The following ZNF292 variants were observed in gnomAD, a reference collection of about 807,000 sequenced individuals.
ZNF292 encodes the protein 16 zinc-finger domain protein.
ZNF292 carries 26 observed loss-of-function variants against 217.9 expected under a neutral mutation model. The ratio of observed to expected loss-of-function variants is 0.12; its 90% CI spans 0.09 to 0.17. The LOEUF (loss-of-function observed/expected upper bound fraction) is 0.17. Among genes scored for constraint, ZNF292 ranks in the 10% least tolerant of loss-of-function variants. The pLI is 1.00. For missense variants in ZNF292, 2,904 were observed against 3,175.2 expected (o/e 0.91, Z 2.05); for synonymous variants, 1,257 against 1,124.1 (o/e 1.12, Z -2.37).
chr6:87,208,701 G>A (rs970002319), intron 1 of ZNF292, among the ~76,000 whole-genome samples: 1 of 152,064 alleles, frequency 6.6e-6, no homozygotes, highest in African/African-American at 2.4e-5. Flanking sequence ...CTAAAAAGGT[G>A]ATTGAGAGCT....
chr6:87,206,015 G>A lies in ZNF292; in HGVS notation c.169-9888G>A, dbSNP rs1443235835. 2.6e-5 allele frequency among the ~76,000 whole-genome samples: 4 copies of A among 152,310 alleles called. No individual in the cohort carries two copies. The East Asian group carries it at 7.7e-4, about 29-fold the overall frequency. ...TGATCTTGGCTGGACTGATAGATAT[G>A]TTTCAGATTGGCTGTTACCTGATAC... On this transcript the variant is annotated intron_variant, in intron 1 of 7. Coordinates refer to ENST00000369577, the MANE Select transcript of ZNF292 (RefSeq NM_015021.3).
intron 2 of ZNF292, 100 bp downstream of exon 2, chr6:87,216,157 A>G: frequency 1.6e-6 from 2 of 1,250,946 alleles, no homozygotes; most frequent in Non-Finnish European, 2.2e-6. Context: ...ACACACACAC[A>G]ACATTAAATC....
chr6:87,164,510 C>G (rs941839768), intron 1 of ZNF292, among the ~76,000 whole-genome samples: 44 of 152,194 alleles, frequency 2.9e-4, no homozygotes, highest in African/African-American at 1.1e-3. Flanking sequence ...CTATAACACT[C>G]TACCACATGT....
At chr6:87,174,509 G>A (rs968932883) in intron 1 of ZNF292, among the ~76,000 whole-genome samples, 1 of 152,128 alleles carries the variant, frequency 6.6e-6, no homozygotes, top group Non-Finnish European at 1.5e-5. Context: ...GTCATGAGGG[G>A]AGTTAAAGTG....
chr6:87,162,875 A>T (rs1181415121), intron 1 of ZNF292, among the ~76,000 whole-genome samples: 1 of 152,228 alleles, frequency 6.6e-6, no homozygotes. Context: ...AGATAAATTC[A>T]GTTTATAAAA....
intron 5 of ZNF292, among the ~76,000 whole-genome samples, chr6:87,239,557 C>T (rs1417651742): frequency 2.9e-5 from 2 of 69,160 alleles, no homozygotes; most frequent in African/African-American, 5.5e-5. Context: ...CCGGACAGGG[C>T]GGCTGCCGGG....
chr6:87,179,079 C>A (rs1252829635), intron 1 of ZNF292, among the ~76,000 whole-genome samples: 1 of 151,316 alleles, frequency 6.6e-6, no homozygotes, highest in Non-Finnish European at 1.5e-5. Flanking sequence ...ACATTGTTTC[C>A]CAATCTTTAA....
chr6:87,248,222 G>A (rs1449085897), intron 7 of ZNF292, among the ~76,000 whole-genome samples: 2 of 152,078 alleles, frequency 1.3e-5, no homozygotes, highest in Non-Finnish European at 2.9e-5. Context: ...TTTTGTAATT[G>A]TTTTTGAAAG....
At chr6:87,180,747 C>T (rs2147917) in intron 1 of ZNF292, among the ~76,000 whole-genome samples, 81,414 of 151,924 alleles carry the variant, frequency 0.54, 22,257 homozygotes, top group Admixed American at 0.62. Context: ...AAGGCCTGAA[C>T]CCTAGTTATG....
chr6:87,257,170 T>C lies in ZNF292; in HGVS notation c.3541T>C (p.Ser1181Pro), dbSNP rs780454050. 5.0e-6 allele frequency: 8 copies of C among 1,613,930 alleles called. No homozygotes were observed. In the East Asian group the frequency reaches 1.6e-4, roughly 31 times the overall value. Residue 1181 changes from serine (S) to proline (P), a missense_variant, in exon 8 of 8, where the codon TCG becomes CCG. Coordinates refer to ENST00000369577, the MANE Select transcript of ZNF292 (RefSeq NM_015021.3). ...CAAAGCCAATGGGAATCCTGCTTGT[T>C]CGGCCCAGTTGCAGCATGTCTCGCC... The part of the protein sequence containing the change: ...QTKANGNPAC[S>P]AQLQHVSPPI...
intron 1 of ZNF292, among the ~76,000 whole-genome samples, chr6:87,181,871 A>G (rs1454213298): frequency 1.3e-5 from 2 of 151,822 alleles, no homozygotes; most frequent in African/African-American, 2.4e-5. Context: ...TTTAGTAGAG[A>G]TGGGGTTTCG....
intron 1 of ZNF292, among the ~76,000 whole-genome samples, chr6:87,167,035 G>T (rs776811181): frequency 5.3e-5 from 8 of 152,130 alleles, no homozygotes; most frequent in Non-Finnish European, 1.0e-4. Flanking sequence ...TATTGTTAAA[G>T]AGTTACTTGA....
chr6:87,164,837 A>G (rs1486083635), intron 1 of ZNF292, among the ~76,000 whole-genome samples: 2 of 80,324 alleles, frequency 2.5e-5, no homozygotes, highest in Non-Finnish European at 4.2e-5. Context: ...ATCTCGACTC[A>G]CTGGCAACCT....
chr6:87,256,205 A>G lies in ZNF292; in HGVS notation c.2576A>G (p.Gln859Arg), dbSNP rs1275328007. ...GDSIQPSEVN[Q>R]NTAENIEKER... ...TCCATTCAGCCTTCTGAAGTGAATC[A>G]GAACACAGCAGAGAATATTGAGAAA... The change falls in exon 8 of 8, where the codon CAG becomes CGG. Residue 859 changes from glutamine to arginine, a missense_variant. Gln to Arg is a conservative substitution (Grantham distance 43). This residue lies in a region of ZNF292 where 687 missense variants were observed against 623.0 expected (regional missense o/e 1.10). Transcript: ENST00000369577. The G allele has an allele frequency of 6.2e-7, 1 of 1,613,912 alleles. No individual in the cohort carries two copies. The highest frequency in any genetic ancestry group is 8.5e-7 in the Non-Finnish European group (1 of 1,179,842).
intron 1 of ZNF292, among the ~76,000 whole-genome samples, chr6:87,181,846 T>G (rs1023447003): frequency 4.6e-5 from 7 of 152,060 alleles, no homozygotes; most frequent in African/African-American, 1.2e-4. Flanking sequence ...CACACCCAGC[T>G]AATTTTTTTT....
chr6:87,226,639 CTATATATCTA>C (rs1773359023), intron 4 of ZNF292, among the ~76,000 whole-genome samples: 1 of 114,208 alleles, frequency 8.8e-6, no homozygotes, highest in Admixed American at 1.0e-4. Context: ...GTATATATAT[CTATATATCTA>C]TATATATATA....
At chr6:87,167,114 T>C (rs552076913) in intron 1 of ZNF292, among the ~76,000 whole-genome samples, 1 of 152,336 alleles carries the variant, frequency 6.6e-6, no homozygotes, top group East Asian at 1.9e-4. Context: ...ATAGTAAAAA[T>C]ACTACCATTT....
At chr6:87,250,231 G>C (rs1453327177) in intron 7 of ZNF292, among the ~76,000 whole-genome samples, 1 of 151,374 alleles carries the variant, frequency 6.6e-6, no homozygotes, top group Admixed American at 6.6e-5. Context: ...CCAGGAGTTT[G>C]AGCCAGCCTG....
At chr6:87,221,886 A>G (rs544404836) in intron 4 of ZNF292, among the ~76,000 whole-genome samples, 2 of 152,218 alleles carry the variant, frequency 1.3e-5, no homozygotes, top group South Asian at 4.1e-4. Context: ...CATGCTAACA[A>G]TTTATACTTA....
Sources: allele counts gnomAD v4.1 joint callset (sites outside exome capture counted in the v4.1 genomes callset), GRCh38; gene constraint gnomAD v4.1.1; regional missense constraint gnomAD v4.1.1; transcripts MANE v1.5; gene names NCBI Gene and HGNC (gene_info 2026-07-23, HGNC 2026-07-21).